Variants in MYO1D observed in about 807,000 individuals in gnomAD.
The protein encoded by MYO1D is unconventional myosin-Id.
Under a neutral mutation model 122.0 loss-of-function variants are expected in MYO1D, and 83 were observed. The ratio of observed to expected loss-of-function variants is 0.68; its 90% CI spans 0.57 to 0.82. The LOEUF is 0.82. MYO1D is among the 40% of genes least tolerant of loss of function. The probability of loss-of-function intolerance (pLI) is 0.00; values close to 1 mark genes in which losing one functional copy is unlikely to be tolerated. For synonymous variants in MYO1D, 464 were observed against 446.9 expected, an observed-to-expected ratio of 1.04 and a Z score of -0.48; for missense variants, 1,157 against 1,269.5, an observed-to-expected ratio of 0.91 and a Z score of 1.35.
intron 1 of MYO1D, among the ~76,000 whole-genome samples, chr17:32,781,782 CA>C (rs1293172427): frequency 6.7e-6 from 1 of 150,312 alleles, no homozygotes; most frequent in Non-Finnish European, 1.5e-5. Context: ...GCTATGACTG[CA>C]ATTGTGCAAC....
At chr17:32,797,216 G>A (rs112648415) in intron 1 of MYO1D, among the ~76,000 whole-genome samples, 120 of 152,258 alleles carry the variant, frequency 7.9e-4, no homozygotes, top group African/African-American at 2.4e-3. Flanking sequence ...TGATCCACCC[G>A]CCTCGGCCTC....
At chr17:32,626,208 G>A (rs1392245872) in intron 20 of MYO1D, among the ~76,000 whole-genome samples, 2 of 152,332 alleles carry the variant, frequency 1.3e-5, no homozygotes, top group East Asian at 3.9e-4. Context: ...GCACATGGGA[G>A]GTGCTCCAAA....
intron 21 of MYO1D, among the ~76,000 whole-genome samples, chr17:32,509,615 T>C (rs1389749279): frequency 6.6e-6 from 1 of 151,986 alleles, no homozygotes; most frequent in African/African-American, 2.4e-5. Context: ...AGACAGAGTC[T>C]TGCTCTGTCA....
In MYO1D at chr17:32,820,145, G is replaced by T. The variant is rs192863942; in HGVS notation, c.96-39361C>A. ...GTGAGAACAAGGATGCACAGAAATG[G>T]GAACTCTTGCACACTGTTGGTGGGA... On this transcript the variant is annotated intron_variant, in intron 1 of 21. Transcript: ENST00000318217. Among the ~76,000 whole-genome samples, 420 of 152,242 alleles carry T rather than the reference G, an allele frequency of 2.8e-3. 4 individuals carry two copies. Among genetic ancestry groups the T allele is most frequent in the African/African-American group, 8.7e-3 (363 of 41,556 alleles).
chr17:32,554,720 T>C (rs2087053383), intron 21 of MYO1D, among the ~76,000 whole-genome samples: 1 of 151,894 alleles, frequency 6.6e-6, no homozygotes, highest in South Asian at 2.1e-4. Flanking sequence ...AACCAAATCA[T>C]AAACACACCA....
Position 32,767,223 on chromosome 17 carries a change from T to C in MYO1D, c.831+413A>G, listed in dbSNP as rs567499449. Among the ~76,000 whole-genome samples, 5 of 152,324 alleles carry C rather than the reference T, an allele frequency of 3.3e-5. No homozygotes were observed. The East Asian group carries it at 5.8e-4, about 18-fold the overall frequency. On this transcript the variant is annotated intron_variant, in intron 7 of 21. Transcript: ENST00000318217. ...GCTCTGGGATGAGCTGGCTGTGCCT[T>C]TGAGGTAGTCATGCCACCCATCAGG...
chr17:32,790,090 T>C (rs1196957812), intron 1 of MYO1D, among the ~76,000 whole-genome samples: 1 of 152,190 alleles, frequency 6.6e-6, no homozygotes, highest in Non-Finnish European at 1.5e-5. Context: ...AGAGTTTTGA[T>C]AGTGAACGGT....
intron 21 of MYO1D, among the ~76,000 whole-genome samples, chr17:32,560,526 A>ACATATATATAT (rs2150889678): frequency 1.8e-5 from 1 of 56,146 alleles, no homozygotes; most frequent in South Asian, 6.6e-4. Flanking sequence ...ACCCAGAGAC[A>ACATATATATAT]ACATATATAT....
At chr17:32,552,747 G>A (rs2087029627) in intron 21 of MYO1D, among the ~76,000 whole-genome samples, 1 of 152,182 alleles carries the variant, frequency 6.6e-6, no homozygotes, top group Non-Finnish European at 1.5e-5. Flanking sequence ...ACCGGGACAC[G>A]ATTATTTCCC....
chr17:32,520,708 A>G (rs1910104117), intron 21 of MYO1D, among the ~76,000 whole-genome samples: 1 of 152,192 alleles, frequency 6.6e-6, no homozygotes. Flanking sequence ...CTGTTCATCT[A>G]GACATGATGC....
At chr17:32,713,071 T>A (rs990118605) in intron 15 of MYO1D, among the ~76,000 whole-genome samples, 1 of 152,130 alleles carries the variant, frequency 6.6e-6, no homozygotes, top group African/African-American at 2.4e-5. Context: ...TCAAATTTAG[T>A]TTTTTTCTTA....
intron 1 of MYO1D, among the ~76,000 whole-genome samples, chr17:32,795,909 G>A (rs1259921293): frequency 6.6e-6 from 1 of 151,902 alleles, no homozygotes; most frequent in Non-Finnish European, 1.5e-5. Flanking sequence ...GCCTCAGCCC[G>A]CCTGCACCCA....
intron 21 of MYO1D, among the ~76,000 whole-genome samples, chr17:32,539,570 CCTT>C (rs1910775314): frequency 6.6e-6 from 1 of 152,158 alleles, no homozygotes. Flanking sequence ...TGCCAGCACT[CCTT>C]GACTTGTGGC....
At chr17:32,816,836 A>G (rs1343181215) in intron 1 of MYO1D, among the ~76,000 whole-genome samples, 1 of 152,184 alleles carries the variant, frequency 6.6e-6, no homozygotes. Context: ...CATCACACAC[A>G]CAGGATTTAG....
intron 16 of MYO1D, among the ~76,000 whole-genome samples, chr17:32,693,253 T>A (rs559098623): frequency 6.6e-6 from 1 of 151,378 alleles, no homozygotes; most frequent in Non-Finnish European, 1.5e-5. Flanking sequence ...TATGTAGCCA[T>A]TTTTTTTTCC....
chr17:32,854,570 A>G (rs1025150556), intron 1 of MYO1D, among the ~76,000 whole-genome samples: 1 of 152,270 alleles, frequency 6.6e-6, no homozygotes, highest in Non-Finnish European at 1.5e-5. Context: ...CACTTTATGC[A>G]GTGGTGACAG....
intron 1 of MYO1D, among the ~76,000 whole-genome samples, chr17:32,868,070 C>G (rs1458053530): frequency 1.3e-5 from 2 of 151,978 alleles, no homozygotes; most frequent in African/African-American, 4.8e-5. Context: ...TCCAAAGAGT[C>G]TAAAACGATT....
intron 20 of MYO1D, among the ~76,000 whole-genome samples, chr17:32,631,934 T>C (rs967525730): frequency 1.2e-4 from 15 of 122,212 alleles, no homozygotes; most frequent in African/African-American, 4.4e-4. Context: ...AAATTTTTCA[T>C]AATAAAAAGT....
rs369525249 is a variant in MYO1D, at chr17:32,538,421, A to T, written c.2865-43506T>A. On this transcript the variant is annotated intron_variant, in intron 21 of 21. Transcript: ENST00000318217. ...TGCCTTAGCTTCCTGAGTAGCTGGG[A>T]CTACAGGTATGCAACACTGCACCTG... Among the ~76,000 whole-genome samples the T allele has an allele frequency of 6.1e-4, 93 of 151,760 alleles. 1 individual carries two copies. In the East Asian group the frequency reaches 0.016, roughly 27 times the overall value.
Sources: allele counts gnomAD v4.1 joint callset (sites outside exome capture counted in the v4.1 genomes callset), GRCh38; gene constraint gnomAD v4.1.1; transcripts MANE v1.5; gene names NCBI Gene and HGNC (gene_info 2026-07-23, HGNC 2026-07-21).